The following GPR183 variants were observed in gnomAD, a reference collection of about 807,000 sequenced individuals.
GPR183 encodes the protein EBV-induced G-protein coupled receptor 2.
GPR183 carries 9 observed loss-of-function variants against 19.7 expected under a neutral mutation model. That is an observed-to-expected ratio of 0.46 (90% CI 0.28 to 0.80). The LOEUF is 0.80. GPR183 is among the 30% of genes least tolerant of loss of function. GPR183 has a pLI of 0.13. For missense variants in GPR183, 368 were observed against 446.7 expected (o/e 0.82, Z 1.59); for synonymous variants, 160 against 155.1 (o/e 1.03, Z -0.24).
At position 99,295,998 on chromosome 13, in the gene GPR183, A is replaced by G. The variant is rs1469659350; in HGVS notation, c.148T>C (p.Leu50=). The change falls in exon 2 of 2, where the codon TTA becomes CTA. Residue 50 remains leucine (L), a synonymous_variant. Coordinates refer to ENST00000376414, the MANE Select transcript of GPR183 (RefSeq NM_004951.5). This position sits in a 1 kb window ranked among gnomAD's most constrained non-coding sequence, Gnocchi z 4.1. The part of the protein sequence containing the change: ...LVFIIGLVGN[L]LALVVIVQNR... Reference sequence around the variant, plus strand: ...TGAACAATGACGACCAAGGCTAGTAAGTTTCCCACGAGCCCAATGATGAAG... The same window carrying G: ...TGAACAATGACGACCAAGGCTAGTAGGTTTCCCACGAGCCCAATGATGAAG... 5 of 1,614,166 alleles carry G rather than the reference A, an allele frequency of 3.1e-6. No homozygotes were observed. In the East Asian group the frequency reaches 8.9e-5, roughly 29 times the overall value.
intron 1 of GPR183, among the ~76,000 whole-genome samples, chr13:99,306,762 T>C (rs2044342809): frequency 6.6e-6 from 1 of 152,112 alleles, no homozygotes; most frequent in African/African-American, 2.4e-5. Context: ...CTTATCTAAT[T>C]AGTAGTATTT....
In GPR183 at chr13:99,295,637, G is replaced by C. The variant is rs765038589; in HGVS notation, c.509C>G (p.Pro170Arg). The change falls in exon 2 of 2, where the codon CCT (proline) becomes CGT (arginine). Residue 170 changes from proline (P) to arginine (R), a missense_variant. Transcript: ENST00000376414. This position sits in a 1 kb window ranked among gnomAD's most constrained non-coding sequence, Gnocchi z 4.1. ...CCTTTCAGCCTCCTGCTTTGACATAGGGTTGATGAGGAGTGGGAGTGTCTG... is the reference window on the plus strand; with the variant it reads ...CCTTTCAGCCTCCTGCTTTGACATACGGTTGATGAGGAGTGGGAGTGTCTG... ...FAQTLPLLIN[P>R]MSKQEAERIT... is the part of the protein sequence containing the mutation. The C allele has an allele frequency of 6.8e-6, 11 of 1,614,146 alleles. No individual in the cohort carries two copies. The South Asian group carries it at 8.8e-5, about 13-fold the overall frequency.
intron 1 of GPR183, among the ~76,000 whole-genome samples, chr13:99,299,178 G>A (rs2044220261): frequency 6.6e-6 from 1 of 152,230 alleles, no homozygotes; most frequent in South Asian, 2.1e-4. Context: ...ATAAGATGCA[G>A]CATCTAGCAG....
chr13:99,300,479 C>T (rs1359716209), intron 1 of GPR183, among the ~76,000 whole-genome samples: 1 of 152,240 alleles, frequency 6.6e-6, no homozygotes, highest in East Asian at 1.9e-4. Context: ...GAGGAAAATC[C>T]TTTCATATGC....
intron 1 of GPR183, among the ~76,000 whole-genome samples, chr13:99,298,855 A>C (rs2044215360): frequency 6.6e-6 from 1 of 152,248 alleles, no homozygotes; most frequent in Non-Finnish European, 1.5e-5. Flanking sequence ...CAAGGGTTGC[A>C]GCTTTGGAAT....
At chr13:99,300,763 T>G (rs1453352644) in intron 1 of GPR183, among the ~76,000 whole-genome samples, 1 of 152,210 alleles carries the variant, frequency 6.6e-6, no homozygotes, top group African/African-American at 2.4e-5. Context: ...GAGTGAGGTG[T>G]TCCTCAGGAT....
chr13:99,306,741 CT>C (rs1218277031), intron 1 of GPR183, among the ~76,000 whole-genome samples: 2 of 151,916 alleles, frequency 1.3e-5, no homozygotes, highest in Non-Finnish European at 2.9e-5. Flanking sequence ...ACACAACAGA[CT>C]TTTTTTTCAC....
chr13:99,306,684 G>A (rs1039582592), intron 1 of GPR183, among the ~76,000 whole-genome samples: 2 of 151,928 alleles, frequency 1.3e-5, no homozygotes, highest in Non-Finnish European at 2.9e-5. Flanking sequence ...TTCCCCTCAG[G>A]CACATAGAAA....
At chr13:99,301,611 C>T (rs2044257993) in intron 1 of GPR183, among the ~76,000 whole-genome samples, 1 of 151,900 alleles carries the variant, frequency 6.6e-6, no homozygotes, top group Non-Finnish European at 1.5e-5. Flanking sequence ...GACATGTTGA[C>T]ATGAACTGAC....
chr13:99,301,776 G>C (rs2044260886), intron 1 of GPR183, among the ~76,000 whole-genome samples: 1 of 152,208 alleles, frequency 6.6e-6, no homozygotes, highest in African/African-American at 2.4e-5. Context: ...ACTCGTTCAA[G>C]TAATTAAAGT....
Position 99,305,497 on chromosome 13 carries a change from A to G in GPR183, c.-19+1843T>C, listed in dbSNP as rs369256359. ...TCTTTTAAATGTAAGCTTCTTGAGG[A>G]TGATGACTTGATCTCATCCAACATT... is the stretch of plus-strand genomic sequence containing the variant. On this transcript the variant is annotated intron_variant, in intron 1 of 1. Coordinates refer to ENST00000376414, the MANE Select transcript of GPR183 (RefSeq NM_004951.5). 1.3e-4 allele frequency among the ~76,000 whole-genome samples: 20 copies of G among 152,364 alleles called. No homozygotes were observed. In the East Asian group the frequency reaches 1.7e-3, roughly 13 times the overall value.
rs750266033 is a variant in GPR183, at chr13:99,295,165, G to T, written c.981C>A (p.Val327=). ...TCACAGCACTAGAAATCGATACACT[G>T]ACTTGCCGTTTCAGCATCCTCATAA... The part of the protein sequence containing the change: ...RKVMRMLKRQ[V]SVSISSAVKS... The change falls in exon 2 of 2, where the codon GTC becomes GTA. Residue 327 remains valine (V), a synonymous_variant. Transcript: ENST00000376414. The surrounding 1 kb of genome is among the most constrained non-coding windows in gnomAD (Gnocchi z 4.1). The T allele has an allele frequency of 1.2e-6, 2 of 1,614,004 alleles. No individual in the cohort carries two copies. The highest frequency in any genetic ancestry group is 1.1e-5 in the South Asian group (1 of 91,074).
chr13:99,295,395 C>T lies in GPR183; in HGVS notation c.751G>A (p.Val251Ile), dbSNP rs201755595. The change falls in exon 2 of 2, where the codon GTT becomes ATT. Residue 251 changes from valine to isoleucine, a missense_variant. Transcript: ENST00000376414. The surrounding 1 kb of genome is among the most constrained non-coding windows in gnomAD (Gnocchi z 4.1). ...KALNTIILII[V>I]VFVLCFTPYH... ...GGTGTGAAACAGAGAACAAACACAA[C>T]AATAATAAGAATAATTGTGTTGAGA... The T allele has an allele frequency of 8.2e-5, 133 of 1,613,900 alleles. No individual in the cohort carries two copies. The highest frequency in any genetic ancestry group is 1.0e-4 in the Non-Finnish European group (118 of 1,179,992).
intron 1 of GPR183, among the ~76,000 whole-genome samples, chr13:99,301,381 C>T (rs990828373): frequency 2.0e-5 from 3 of 152,246 alleles, no homozygotes; most frequent in African/African-American, 7.2e-5. Context: ...GAGACAATCC[C>T]AGTTTTGCCT....
chr13:99,300,602 C>T (rs903872500), intron 1 of GPR183, among the ~76,000 whole-genome samples: 1 of 152,192 alleles, frequency 6.6e-6, no homozygotes, highest in Non-Finnish European at 1.5e-5. Context: ...CTTTCTGAAA[C>T]TTGAATTAAG....
chr13:99,296,068 A>G lies in GPR183; in HGVS notation c.78T>C (p.His26=). 5.6e-6 allele frequency: 9 copies of G among 1,614,072 alleles called. No homozygotes were observed. Among genetic ancestry groups the G allele is most frequent in the Non-Finnish European group, 7.6e-6 (9 of 1,180,008 alleles). The change falls in exon 2 of 2, where the codon CAT becomes CAC. Residue 26 remains histidine, a synonymous_variant. Coordinates refer to ENST00000376414, the MANE Select transcript of GPR183 (RefSeq NM_004951.5). ...GCATTACTATCCTGGCCGTGCTGTG[A>G]TGTGCATAGAGGTCACAGTCATTTC... ...PQGNDCDLYA[H]HSTARIVMPL...
chr13:99,307,156 AACTAACT>A (rs2044348652), intron 1 of GPR183, among the ~76,000 whole-genome samples, 177 bp downstream of exon 1: 1 of 152,200 alleles, frequency 6.6e-6, no homozygotes, highest in Admixed American at 6.5e-5. Context: ...ACTTTATAAG[AACTAACT>A]AGACCTACCA....
Position 99,295,129 on chromosome 13 carries a change from A to G in GPR183, c.1017T>C (p.Pro339=). 6.2e-7 allele frequency: 1 copy of G among 1,614,046 alleles called. No individual in the cohort carries two copies. Among genetic ancestry groups the G allele is most frequent in the South Asian group, 1.1e-5 (1 of 91,044 alleles). The stretch of plus-strand genomic sequence containing the variant: ...CTGTCATTTCACGTGAATTTTCTTC[A>G]GGGGCTGACTTCACAGCACTAGAAA... ...VSISSAVKSA[P]EENSREMTET... The change falls in exon 2 of 2, where the codon CCT becomes CCC. Residue 339 remains proline (P), a synonymous_variant. Coordinates refer to ENST00000376414, the MANE Select transcript of GPR183 (RefSeq NM_004951.5). This position sits in a 1 kb window ranked among gnomAD's most constrained non-coding sequence, Gnocchi z 4.1.
chr13:99,297,808 TAA>T lies in GPR183; in HGVS notation c.-18-1647_-18-1646del, dbSNP rs752253836. On this transcript the variant is annotated intron_variant, in intron 1 of 1. Transcript: ENST00000376414. ...CAGGACAGAGACTATCGGTTTAGAT[TAA>T]AAAAAAAAAAATTCCAGCTGTTTGC... Among the ~76,000 whole-genome samples, 360 of 144,150 alleles carry T rather than the reference TAA, an allele frequency of 2.5e-3. 4 individuals are homozygous for T. The highest frequency in any genetic ancestry group is 0.011 in the South Asian group (51 of 4,564). The allele number at this position is 144,150 out of a possible 152,430, so 94.6% of individuals were successfully genotyped here.
Sources: allele counts gnomAD v4.1 joint callset (sites outside exome capture counted in the v4.1 genomes callset), GRCh38; gene constraint gnomAD v4.1.1; non-coding constraint Gnocchi (gnomAD v3.1); transcripts MANE v1.5; gene names NCBI Gene and HGNC (gene_info 2026-07-23, HGNC 2026-07-21).